ANKRD30B: variants seen among roughly 807,000 people sequenced by gnomAD.
ANKRD30B encodes ankyrin repeat domain-containing protein 30B.
ANKRD30B carries 144 observed loss-of-function variants against 202.2 expected under a neutral mutation model. That is an observed-to-expected ratio of 0.71 (90% CI 0.62 to 0.82). The LOEUF (loss-of-function observed/expected upper bound fraction) is 0.82, where lower values mean the gene tolerates loss of function less well. Ranked by LOEUF, ANKRD30B falls within the 40% of genes least tolerant of loss-of-function variation. The pLI is 0.00. For synonymous variants in ANKRD30B, 508 were observed against 561.3 expected (o/e 0.91, Z 1.34); for missense variants, 1,487 against 1,669.1 (o/e 0.89, Z 1.90).
chr18:14,816,418 T>C (rs1478856942), intron 30 of ANKRD30B: 2 of 152,012 alleles, frequency 1.3e-5, no homozygotes, highest in Admixed American at 6.6e-5. Flanking sequence ...GGCAGAGGCA[T>C]GCGGATCACG....
intron 28 of ANKRD30B, among the ~76,000 whole-genome samples, chr18:14,811,580 T>A (rs1210420294): frequency 1.5e-5 from 2 of 136,222 alleles, no homozygotes; most frequent in Non-Finnish European, 3.1e-5. Flanking sequence ...TTTTTAAAAG[T>A]ATTCTTATGC....
At position 14,757,880 on chromosome 18, in the gene ANKRD30B, A is replaced by G; in HGVS notation, c.683A>G (p.Asn228Ser). 8 of 1,613,572 alleles carry G rather than the reference A, an allele frequency of 5.0e-6. No homozygotes were observed. Among genetic ancestry groups the G allele is most frequent in the Non-Finnish European group, 6.8e-6 (8 of 1,179,750 alleles). ...SEIVGMLLQQ[N>S]VDVFAEDIHG... ...ATAGTCGGCATGCTTCTTCAGCAAA[A>G]TGTTGACGTCTTTGCTGAAGACATA... The change falls in exon 5 of 44, where the codon AAT (asparagine) becomes AGT (serine). Residue 228 changes from asparagine to serine, a missense_variant. By Grantham distance (46) the Asn-to-Ser change is conservative (BLOSUM62 1). Around this residue, in one of 6 missense-constraint regions of ANKRD30B, gnomAD observed 889 missense variants for 841.4 expected, o/e 1.06. Coordinates refer to ENST00000690538, the MANE Select transcript of ANKRD30B (RefSeq NM_001367607.2).
At chr18:14,915,488 A>C in the ANKRD30B span, 1 of 152,234 alleles carries the variant, frequency 6.6e-6, no homozygotes, top group African/African-American at 2.4e-5. Flanking sequence ...CATGAGCCTT[A>C]TGAGGACCCA....
At chr18:14,855,946 G>A (rs1438482689), downstream of ANKRD30B, among the ~76,000 whole-genome samples, 1 of 150,994 alleles carries the variant, frequency 6.6e-6, no homozygotes, top group African/African-American at 2.4e-5. Flanking sequence ...CCTGGCAGAG[G>A]CGCTCCTCAC....
the ANKRD30B span, among the ~76,000 whole-genome samples, chr18:14,925,135 G>A: frequency 6.6e-6 from 1 of 152,178 alleles, no homozygotes; most frequent in Admixed American, 6.5e-5. Flanking sequence ...AGTTGACATC[G>A]ACATTTTGGG....
At chr18:14,911,607 G>A in the ANKRD30B span, among the ~76,000 whole-genome samples, 10 of 107,900 alleles carry the variant, frequency 9.3e-5, no homozygotes, top group East Asian at 1.7e-3. Flanking sequence ...TGGATATTCA[G>A]GCTCTTTTTT....
intron 16 of ANKRD30B, among the ~76,000 whole-genome samples, chr18:14,793,487 A>G (rs1334742595): frequency 1.3e-5 from 2 of 151,688 alleles, no homozygotes; most frequent in Non-Finnish European, 3.0e-5. Context: ...CAGCGTATAC[A>G]TATTGGCATT....
intron 11 of ANKRD30B, among the ~76,000 whole-genome samples, chr18:14,781,518 T>C (rs1260291759): frequency 6.6e-6 from 1 of 152,222 alleles, no homozygotes; most frequent in African/African-American, 2.4e-5. Flanking sequence ...AGGAGACTTA[T>C]TCTTAACATT....
the ANKRD30B span, among the ~76,000 whole-genome samples, chr18:14,862,137 T>C: frequency 6.6e-6 from 1 of 151,400 alleles, no homozygotes; most frequent in African/African-American, 2.4e-5. Flanking sequence ...GAAAAAACAA[T>C]GTTAAGAGGA....
chr18:14,806,100 GTCC>G (rs1774438125), intron 24 of ANKRD30B, among the ~76,000 whole-genome samples: 1 of 149,164 alleles, frequency 6.7e-6, no homozygotes, highest in Admixed American at 6.7e-5. Context: ...GGTGCCTGTA[GTCC>G]CAGCCACTCA....
intron 36 of ANKRD30B, among the ~76,000 whole-genome samples, chr18:14,839,024 G>T (rs1971297241): frequency 6.6e-6 from 1 of 152,164 alleles, no homozygotes; most frequent in South Asian, 2.1e-4. Flanking sequence ...TACTACTGCA[G>T]ATTTTCCATA....
the ANKRD30B span, among the ~76,000 whole-genome samples, chr18:14,881,872 T>A: frequency 6.6e-6 from 1 of 152,020 alleles, no homozygotes; most frequent in Admixed American, 6.6e-5. Context: ...CTCTTCTAGG[T>A]TTTCTAGTTT....
chr18:14,758,888 T>C (rs1385672521), intron 5 of ANKRD30B, among the ~76,000 whole-genome samples: 1 of 152,224 alleles, frequency 6.6e-6, no homozygotes, highest in Non-Finnish European at 1.5e-5. Flanking sequence ...ATATCCCGTG[T>C]AGCACCATTT....
chr18:14,882,365 A>G, the ANKRD30B span, among the ~76,000 whole-genome samples: 17 of 152,300 alleles, frequency 1.1e-4, no homozygotes, highest in South Asian at 6.2e-4. Context: ...TTTTCACCCA[A>G]TGCTCATTCA....
intron 22 of ANKRD30B, among the ~76,000 whole-genome samples, chr18:14,799,665 G>T (rs1035875966): frequency 2.6e-5 from 4 of 152,060 alleles, no homozygotes; most frequent in Non-Finnish European, 5.9e-5. Flanking sequence ...AGTTTCACTT[G>T]CTGAGGTGAC....
chr18:14,777,794 T>C (rs949687725), intron 9 of ANKRD30B, among the ~76,000 whole-genome samples, 191 bp from the exon 10 acceptor site: 2 of 151,588 alleles, frequency 1.3e-5, no homozygotes, highest in Admixed American at 6.6e-5. Context: ...ATACAAAAAA[T>C]TAGCCAGGTG....
the ANKRD30B span, among the ~76,000 whole-genome samples, chr18:14,869,549 A>G: frequency 2.0e-5 from 3 of 152,354 alleles, no homozygotes; most frequent in African/African-American, 4.8e-5. Context: ...TGACCATAAT[A>G]AATTATTTTT....
At chr18:14,780,393 T>A (rs1799787637) in intron 11 of ANKRD30B, among the ~76,000 whole-genome samples, 1 of 151,902 alleles carries the variant, frequency 6.6e-6, no homozygotes, top group African/African-American at 2.4e-5. Context: ...TGCAGTGAGG[T>A]GAGATTGCAC....
At chr18:14,749,022 C>T (rs1302847759) in intron 1 of ANKRD30B, among the ~76,000 whole-genome samples, 1 of 152,226 alleles carries the variant, frequency 6.6e-6, no homozygotes, top group African/African-American at 2.4e-5. Context: ...GTTAGATACA[C>T]TATGAAATGG....
Sources: allele counts gnomAD v4.1 joint callset (sites outside exome capture counted in the v4.1 genomes callset), GRCh38; gene constraint gnomAD v4.1.1; regional missense constraint gnomAD v4.1.1; transcripts MANE v1.5; gene names NCBI Gene and HGNC (gene_info 2026-07-23, HGNC 2026-07-21).